Variants in UNC5C observed in about 807,000 individuals in gnomAD.
UNC5C encodes unc-5 netrin receptor C.
Under a neutral mutation model 99.8 loss-of-function variants are expected in UNC5C, and 47 were observed. The observed-to-expected ratio is 0.47, with a 90% CI of 0.37 to 0.60. The LOEUF (loss-of-function observed/expected upper bound fraction) is 0.60. UNC5C is among the 20% of genes least tolerant of loss of function. UNC5C has a pLI of 0.00. For missense variants in UNC5C, 1,062 were observed against 1,165.9 expected, an observed-to-expected ratio of 0.91 and a Z score of 1.30; for synonymous variants, 487 against 452.2, an observed-to-expected ratio of 1.08 and a Z score of -0.98.
At chr4:95,187,471 C>T (rs1487850954) in intron 12 of UNC5C, among the ~76,000 whole-genome samples, 1 of 152,022 alleles carries the variant, frequency 6.6e-6, no homozygotes, top group Non-Finnish European at 1.5e-5. Flanking sequence ...TCAACATAGA[C>T]TGCCAGAGGA....
rs1742583861 is a variant in UNC5C, at chr4:95,319,066, G to C, written c.346+16344C>G. Among the ~76,000 whole-genome samples, 6 of 152,160 alleles carry C rather than the reference G, an allele frequency of 3.9e-5. No individual in the cohort carries two copies. In the South Asian group the frequency reaches 1.2e-3, roughly 32 times the overall value. On this transcript the variant is annotated intron_variant, in intron 2 of 15. Coordinates refer to ENST00000453304, the MANE Select transcript of UNC5C (RefSeq NM_003728.4). ...GTCTCTACTTACAGCACCAAGTAAA[G>C]TATCTAGGTCATGGATTTTGAACAG...
At chr4:95,320,601 A>G (rs1742653181) in intron 2 of UNC5C, among the ~76,000 whole-genome samples, 1 of 152,184 alleles carries the variant, frequency 6.6e-6, no homozygotes, top group Admixed American at 6.5e-5. Context: ...ACGGTTGCTG[A>G]GCATGTGGCA....
chr4:95,242,715 T>C (rs767332999), intron 6 of UNC5C, 122 bp from the exon 7 acceptor site: 1 of 1,137,958 alleles, frequency 8.8e-7, no homozygotes, highest in Non-Finnish European at 1.2e-6. Context: ...TGAGAAGCAC[T>C]GTATTCATTT....
chr4:95,531,841 A>G (rs1169765885), intron 1 of UNC5C, among the ~76,000 whole-genome samples: 1 of 152,252 alleles, frequency 6.6e-6, no homozygotes, highest in Non-Finnish European at 1.5e-5. Flanking sequence ...AAAAATGAAA[A>G]ATACACCATA....
Position 95,216,237 on chromosome 4 carries a change from C to A in UNC5C, c.1646-26G>T. ...CTGAATAGCAAAAGAGAAAAGCAGT[C>A]ATTTAAGACTTTTGCAGCACGTAAA... is the stretch of plus-strand genomic sequence containing the variant. On this transcript the variant is annotated intron_variant, in intron 9 of 15. Transcript: ENST00000453304. 1.9e-6 allele frequency: 3 copies of A among 1,588,416 alleles called. No individual in the cohort carries two copies. In the South Asian group the frequency reaches 3.3e-5, roughly 18 times the overall value.
rs1199384944 is a variant in UNC5C, at chr4:95,219,063, C to A, written c.1551G>T (p.Leu517=). 6.2e-7 allele frequency: 1 copy of A among 1,614,152 alleles called. No individual in the cohort carries two copies. The highest frequency in any genetic ancestry group is 2.2e-5 in the East Asian group (1 of 44,886). Residue 517 remains leucine (L), a synonymous_variant, in exon 9 of 16, where the codon CTG becomes CTT. Coordinates refer to ENST00000453304, the MANE Select transcript of UNC5C (RefSeq NM_003728.4). Reference sequence around the variant, plus strand: ...TCTGCCTTGCTAGACTCTGGTTCTTCAGGCTGAGGGCTTCATTCTCCAACA... The same window carrying A: ...TCTGCCTTGCTAGACTCTGGTTCTTAAGGCTGAGGGCTTCATTCTCCAACA... ...QSLLENEALS[L]KNQSLARQTD... is the part of the protein sequence containing the mutation.
At chr4:95,216,336 G>A (rs1308029450) in intron 9 of UNC5C, 125 bp from the exon 10 acceptor site, 9 of 682,792 alleles carry the variant, frequency 1.3e-5, no homozygotes, top group East Asian at 1.2e-4. Flanking sequence ...TAAATATTCC[G>A]AGTTGCTCCA....
At chr4:95,262,438 T>C (rs1740276933) in intron 4 of UNC5C, among the ~76,000 whole-genome samples, 1 of 152,220 alleles carries the variant, frequency 6.6e-6, no homozygotes, top group Non-Finnish European at 1.5e-5. Context: ...AAATGACAGA[T>C]AGAAATGTAA....
intron 1 of UNC5C, among the ~76,000 whole-genome samples, chr4:95,452,709 G>T (rs1284362934): frequency 6.6e-6 from 1 of 152,130 alleles, no homozygotes; most frequent in Non-Finnish European, 1.5e-5. Flanking sequence ...GTCTATGAAG[G>T]AATTGTTTGT....
chr4:95,222,601 T>G (rs1738512019), intron 7 of UNC5C, among the ~76,000 whole-genome samples: 2 of 152,312 alleles, frequency 1.3e-5, no homozygotes, highest in Middle Eastern at 3.4e-3. Context: ...AAATCTTTTT[T>G]CCTTATCCCT....
At chr4:95,435,721 C>T (rs2149461750) in intron 1 of UNC5C, among the ~76,000 whole-genome samples, 1 of 152,210 alleles carries the variant, frequency 6.6e-6, no homozygotes, top group South Asian at 2.1e-4. Flanking sequence ...TTCACAGTAA[C>T]TCCCAAGCTG....
chr4:95,346,318 C>G (rs937392443), intron 1 of UNC5C, among the ~76,000 whole-genome samples: 7 of 151,942 alleles, frequency 4.6e-5, no homozygotes, highest in Non-Finnish European at 1.0e-4. Context: ...AAAGCCAGGA[C>G]CCAATGGCTT....
intron 1 of UNC5C, among the ~76,000 whole-genome samples, chr4:95,505,369 A>G (rs1342577902): frequency 2.0e-5 from 3 of 152,074 alleles, no homozygotes; most frequent in African/African-American, 4.8e-5. Context: ...CATTTCAGCA[A>G]CTTAATTGAG....
At chr4:95,495,168 T>C (rs1721597767) in intron 1 of UNC5C, among the ~76,000 whole-genome samples, 1 of 151,588 alleles carries the variant, frequency 6.6e-6, no homozygotes, top group African/African-American at 2.4e-5. Flanking sequence ...TCTCTATTTT[T>C]TTCTTTCTAA....
rs753313053 is a variant in UNC5C, at chr4:95,219,162, G to A, written c.1452C>T (p.Thr484=). 15 of 1,614,024 alleles carry A rather than the reference G, an allele frequency of 9.3e-6. No homozygotes were observed. The highest frequency in any genetic ancestry group is 2.7e-5 in the African/African-American group (2 of 74,896). ...CATCTTGGGGGGTGACAGCACCTGA[G>A]GTGTTGTACACTTTGATTTTCAGGT... is the stretch of plus-strand genomic sequence containing the variant. ...LPNLKIKVYN[T]SGAVTPQDDL... Residue 484 remains threonine (T), a synonymous_variant, in exon 9 of 16, where the codon ACC becomes ACT. Coordinates refer to ENST00000453304, the MANE Select transcript of UNC5C (RefSeq NM_003728.4).
At chr4:95,509,369 C>T (rs890090657) in intron 1 of UNC5C, among the ~76,000 whole-genome samples, 4 of 151,758 alleles carry the variant, frequency 2.6e-5, no homozygotes, top group Non-Finnish European at 4.4e-5. Context: ...CTCCTTTGCA[C>T]ATATTTCAGC....
intron 2 of UNC5C, among the ~76,000 whole-genome samples, chr4:95,323,392 C>T (rs1325100575): frequency 6.6e-6 from 1 of 152,098 alleles, no homozygotes; most frequent in African/African-American, 2.4e-5. Context: ...AATAAGAGGA[C>T]AGGATGTGAA....
intron 12 of UNC5C, among the ~76,000 whole-genome samples, chr4:95,196,069 G>A (rs558512089): frequency 2.6e-5 from 4 of 152,220 alleles, no homozygotes; most frequent in African/African-American, 9.6e-5. Flanking sequence ...ATTCCAAAAA[G>A]AGACTGTCAG....
intron 1 of UNC5C, among the ~76,000 whole-genome samples, chr4:95,418,350 AGAGGT>A (rs767214707): frequency 1.3e-5 from 2 of 152,218 alleles, no homozygotes; most frequent in African/African-American, 2.4e-5. Context: ...CGCGATGACA[AGAGGT>A]TTTTCACTTT....
Sources: allele counts gnomAD v4.1 joint callset (sites outside exome capture counted in the v4.1 genomes callset), GRCh38; gene constraint gnomAD v4.1.1; transcripts MANE v1.5; gene names NCBI Gene and HGNC (gene_info 2026-07-23, HGNC 2026-07-21).